Variants in LHFPL3 observed in about 807,000 individuals in gnomAD.
LHFPL3 encodes the protein LHFPL tetraspan subfamily member 3, also known as LHFPL tetraspan subfamily member 3 protein.
A neutral mutation model predicts 19.3 loss-of-function variants in LHFPL3; 5 were observed. That is an observed-to-expected ratio of 0.26 (90% CI 0.14 to 0.54). The LOEUF (loss-of-function observed/expected upper bound fraction) is 0.54, where lower values mean the gene tolerates loss of function less well. Ranked by LOEUF, LHFPL3 falls within the 20% of genes least tolerant of loss-of-function variation. The probability of loss-of-function intolerance (pLI) is 0.94; values close to 1 mark genes in which losing one functional copy is unlikely to be tolerated. For synonymous variants in LHFPL3, 133 were observed against 126.2 expected (o/e 1.05, Z -0.36); for missense variants, 249 against 307.4 (o/e 0.81, Z 1.42).
chr7:104,454,091 C>G (rs1229229769), intron 1 of LHFPL3, among the ~76,000 whole-genome samples: 1 of 152,194 alleles, frequency 6.6e-6, no homozygotes, highest in South Asian at 2.1e-4. Context: ...CTGTCTTGTT[C>G]ACTTTGGGAA....
intron 2 of LHFPL3, among the ~76,000 whole-genome samples, chr7:104,822,500 T>C (rs1028878556): frequency 5.3e-5 from 8 of 152,198 alleles, no homozygotes; most frequent in Non-Finnish European, 1.0e-4. Context: ...CATTGTAGGA[T>C]GTTTGCCAAC....
chr7:104,594,210 AG>A (rs1262185064), intron 1 of LHFPL3, among the ~76,000 whole-genome samples: 2 of 152,024 alleles, frequency 1.3e-5, no homozygotes, highest in Non-Finnish European at 2.9e-5. Context: ...TTCCTTCAGG[AG>A]CTCTGGTAAG....
At chr7:104,368,977 A>G (rs1790555182) in intron 1 of LHFPL3, among the ~76,000 whole-genome samples, 1 of 152,214 alleles carries the variant, frequency 6.6e-6, no homozygotes, top group Non-Finnish European at 1.5e-5. Context: ...AACTTATTTT[A>G]TATTCACAGC....
chr7:104,778,583 A>C (rs1416750033), intron 2 of LHFPL3, among the ~76,000 whole-genome samples: 1 of 152,140 alleles, frequency 6.6e-6, no homozygotes, highest in East Asian at 1.9e-4. Context: ...TCCTGAGCCC[A>C]CTAACATCCA....
At chr7:104,459,534 G>A (rs563637373) in intron 1 of LHFPL3, among the ~76,000 whole-genome samples, 1 of 152,140 alleles carries the variant, frequency 6.6e-6, no homozygotes, top group Non-Finnish European at 1.5e-5. Flanking sequence ...AATCTGCTAT[G>A]GGGGATGTGG....
intron 1 of LHFPL3, among the ~76,000 whole-genome samples, chr7:104,678,206 A>T (rs115068499): frequency 2.2e-4 from 34 of 152,132 alleles, no homozygotes; most frequent in African/African-American, 7.5e-4. Context: ...TTCTCAATTT[A>T]TATATTTGGT....
intron 1 of LHFPL3, among the ~76,000 whole-genome samples, chr7:104,480,449 A>G (rs1793111561): frequency 6.6e-6 from 1 of 152,122 alleles, no homozygotes; most frequent in Non-Finnish European, 1.5e-5. Flanking sequence ...CATAGAGAAA[A>G]TTCCCTGTAT....
chr7:104,401,079 T>TG (rs1791304410), intron 1 of LHFPL3, among the ~76,000 whole-genome samples: 1 of 152,214 alleles, frequency 6.6e-6, no homozygotes, highest in African/African-American at 2.4e-5. Context: ...GCCCTGGCCC[T>TG]GGGGGTGGCT....
At chr7:104,418,090 G>T (rs1396461962) in intron 1 of LHFPL3, among the ~76,000 whole-genome samples, 2 of 151,790 alleles carry the variant, frequency 1.3e-5, no homozygotes, top group Non-Finnish European at 2.9e-5. Context: ...TGGTCAGGCT[G>T]GTCTCGAACT....
chr7:104,900,487 C>G (rs778381495), intron 2 of LHFPL3, among the ~76,000 whole-genome samples: 11 of 152,150 alleles, frequency 7.2e-5, no homozygotes, highest in Non-Finnish European at 1.5e-4. Flanking sequence ...ATTTTCTGCC[C>G]CTTCTCACCG....
chr7:104,587,389 G>A (rs530709705), intron 1 of LHFPL3, among the ~76,000 whole-genome samples: 4 of 152,124 alleles, frequency 2.6e-5, no homozygotes, highest in African/African-American at 4.8e-5. Flanking sequence ...CTGTCCCTGC[G>A]ATAGTTTGCT....
At chr7:104,863,511 C>T (rs1367527684) in intron 2 of LHFPL3, among the ~76,000 whole-genome samples, 2 of 152,216 alleles carry the variant, frequency 1.3e-5, no homozygotes, top group African/African-American at 4.8e-5. Flanking sequence ...AGCAAAAACC[C>T]TGAGCTGCCT....
chr7:104,450,728 C>G (rs1307888407), intron 1 of LHFPL3, among the ~76,000 whole-genome samples: 2 of 151,026 alleles, frequency 1.3e-5, no homozygotes, highest in Non-Finnish European at 3.0e-5. Flanking sequence ...ATAATAAAAA[C>G]AAAAACACTG....
chr7:104,371,553 G>A (rs1236993633), intron 1 of LHFPL3, among the ~76,000 whole-genome samples: 2 of 151,980 alleles, frequency 1.3e-5, no homozygotes, highest in South Asian at 2.1e-4. Flanking sequence ...TTTTCACTTC[G>A]GACTGAAACT....
chr7:104,390,897 C>A (rs1275172379), intron 1 of LHFPL3, among the ~76,000 whole-genome samples: 1 of 152,206 alleles, frequency 6.6e-6, no homozygotes. Flanking sequence ...GAGATGGTAT[C>A]TCACTGTGGT....
At chr7:104,463,440 G>T (rs10264627) in intron 1 of LHFPL3, among the ~76,000 whole-genome samples, 25,728 of 152,100 alleles carry the variant, frequency 0.17, 2,171 homozygotes, top group Middle Eastern at 0.2. Flanking sequence ...TTGTATCTTT[G>T]TTCTCAATAG....
intron 1 of LHFPL3, among the ~76,000 whole-genome samples, chr7:104,468,611 C>G (rs1015748174): frequency 4.0e-5 from 6 of 151,874 alleles, no homozygotes; most frequent in African/African-American, 1.4e-4. Context: ...GGCACAGTTT[C>G]CATGGAGAAT....
chr7:104,852,431 A>G (rs774066174), intron 2 of LHFPL3, among the ~76,000 whole-genome samples: 14 of 152,242 alleles, frequency 9.2e-5, no homozygotes, highest in South Asian at 4.1e-4. Flanking sequence ...GGGCAGTAGT[A>G]AAGAGAAGAG....
At chr7:104,462,407 A>G (rs1792685691) in intron 1 of LHFPL3, among the ~76,000 whole-genome samples, 1 of 152,110 alleles carries the variant, frequency 6.6e-6, no homozygotes, top group African/African-American at 2.4e-5. Flanking sequence ...TTCCTTCAAT[A>G]TGTAGTTTAT....
Sources: allele counts gnomAD v4.1 joint callset (sites outside exome capture counted in the v4.1 genomes callset), GRCh38; gene constraint gnomAD v4.1.1; transcripts MANE v1.5; gene names NCBI Gene and HGNC (gene_info 2026-07-23, HGNC 2026-07-21).